The following SAMD11 variants were observed in gnomAD, a reference collection of about 807,000 sequenced individuals.
The protein encoded by SAMD11 is sterile alpha motif domain containing 11, also known as sterile alpha motif domain-containing protein 11.
Under a neutral mutation model 64.4 loss-of-function variants are expected in SAMD11, and 77 were observed. The ratio of observed to expected loss-of-function variants is 1.20; its 90% CI spans 0.99 to 1.44. SAMD11 has a LOEUF of 1.44. Among genes scored for constraint, SAMD11 ranks in the 40% most tolerant of loss-of-function variants. The probability of loss-of-function intolerance (pLI) is 0.00; values close to 1 mark genes in which losing one functional copy is unlikely to be tolerated. For missense variants in SAMD11, 1,402 were observed against 943.3 expected, an observed-to-expected ratio of 1.49 and a Z score of -6.37; for synonymous variants, 658 against 421.9, an observed-to-expected ratio of 1.56 and a Z score of -6.86.
Position 944,185 on chromosome 1 carries a change from A to AT in SAMD11, c.*33dup, listed in dbSNP as rs754753813. The stretch of plus-strand genomic sequence containing the variant: ...CGGGGGTAGGGGTGGGGCCACACAA[A>AT]TCTCCAGGAGCCACCACTCAACACA... On this transcript the variant is annotated 3_prime_UTR_variant, in exon 14 of 14. Transcript: ENST00000616016. 5.9e-6 allele frequency: 9 copies of AT among 1,513,248 alleles called. No homozygotes were observed. The East Asian group carries it at 2.1e-4, about 35-fold the overall frequency. 93.7% of individuals were successfully genotyped at this position (1,513,248 alleles called of 1,614,324 possible).
rs1371538257 is a variant in SAMD11 at position 942,921 on chromosome 1, C to T, written c.1916C>T (p.Thr639Met). 11 of 1,555,460 alleles carry T rather than the reference C, an allele frequency of 7.1e-6. No individual in the cohort carries two copies. The highest frequency in any genetic ancestry group is 9.6e-6 in the Non-Finnish European group (11 of 1,150,582). ...GACTCGGACGGAGAGGACCCCGAGA[C>T]GGCAGCTGTTGGGTGCAGGGGGCCC... ...PKDSDGEDPETAAVGCRGPTP... is the reference protein window; with the variant it reads ...PKDSDGEDPEMAAVGCRGPTP... Residue 639 changes from threonine to methionine, a missense_variant, in exon 11 of 14, where the codon ACG (threonine) becomes ATG (methionine). Transcript: ENST00000616016.
intron 11 of SAMD11, 64 bp downstream of exon 11, chr1:943,122 G>T: frequency 1.3e-6 from 2 of 1,559,536 alleles, no homozygotes; most frequent in Non-Finnish European, 1.7e-6. Flanking sequence ...CCTGTGGAAG[G>T]GTCTTGGGGG....
chr1:939,562 G>C (rs1418424143), intron 7 of SAMD11, 150 bp downstream of exon 7: 17 of 865,354 alleles, frequency 2.0e-5, no homozygotes, highest in South Asian at 1.9e-4. Flanking sequence ...GGCCAGGCTG[G>C]ATGCAGGTCC....
In SAMD11 at chr1:935,867, G is replaced by A. The variant is rs1439932737; in HGVS notation, c.938G>A (p.Gly313Asp). The A allele has an allele frequency of 6.2e-7, 1 of 1,613,038 alleles. No individual in the cohort carries two copies. Among genetic ancestry groups the A allele is most frequent in the Admixed American group, 1.7e-5 (1 of 60,022 alleles). The change falls in exon 5 of 14, where the codon GGC becomes GAC. Residue 313 changes from glycine to aspartate, a missense_variant. Coordinates refer to ENST00000616016, the MANE Select transcript of SAMD11 (RefSeq NM_001385641.1). ...CAGAGCCGCTGTGAATTCCAGAGAG[G>A]CAGCCTGGAGATTGGCCTGCGACCC... ...EHQSRCEFQR[G>D]SLEIGLRPAG...
At chr1:943,506 G>A (rs1569922164) in intron 12 of SAMD11, 129 bp downstream of exon 12, 14 of 994,008 alleles carry the variant, frequency 1.4e-5, no homozygotes, top group South Asian at 3.4e-5. Flanking sequence ...GCGCAGCAGG[G>A]ACTGGACTGT....
intron 2 of SAMD11, among the ~76,000 whole-genome samples, chr1:926,896 G>A (rs1461242914): frequency 1.3e-5 from 2 of 152,160 alleles, no homozygotes; most frequent in Non-Finnish European, 2.9e-5. Flanking sequence ...AGGCAGAGGT[G>A]CAAAATGGGC....
rs749071104 is a variant in SAMD11 at position 943,674 on chromosome 1, ACCCT to A, written c.2179-12_2179-9del. ...AGGATGGAGCAGCACCCGGGTCCTG[ACCCT>A]CCCTCCCTCCCCCTTCCAGGTCTTC... is the stretch of plus-strand genomic sequence containing the variant. On this transcript the variant is annotated intron_variant, in intron 12 of 13. Coordinates refer to ENST00000616016, the MANE Select transcript of SAMD11 (RefSeq NM_001385641.1). 22 of 1,477,688 alleles carry A rather than the reference ACCCT, an allele frequency of 1.5e-5. No individual in the cohort carries two copies. The highest frequency in any genetic ancestry group is 2.6e-5 in the South Asian group (2 of 76,482). 91.5% of individuals were successfully genotyped at this position (1,477,688 alleles called of 1,614,324 possible). A position where few individuals can be genotyped will look rare whatever the true frequency, so the allele number is the denominator to read the frequency against.
At chr1:928,156 G>A (rs1461414855) in intron 2 of SAMD11, among the ~76,000 whole-genome samples, 1 of 152,240 alleles carries the variant, frequency 6.6e-6, no homozygotes, top group Non-Finnish European at 1.5e-5. Context: ...CACTTTGGGA[G>A]GCCGAGGCGG....
rs989378477 is a variant in SAMD11, at chr1:942,619, G to C, written c.1614G>C (p.Leu538=). The part of the protein sequence containing the change: ...QKELESARPQ[L]LAPETALRPN... ...AGCTGGAGAGCGCGCGCCCACAGCTGCTGGCGCCCGAGACCGCCCTGCGCC... is the reference window on the plus strand; with the variant it reads ...AGCTGGAGAGCGCGCGCCCACAGCTCCTGGCGCCCGAGACCGCCCTGCGCC... Residue 538 remains leucine (L), a synonymous_variant, in exon 11 of 14, where the codon CTG becomes CTC. Coordinates refer to ENST00000616016, the MANE Select transcript of SAMD11 (RefSeq NM_001385641.1). 7.6e-5 allele frequency: 110 copies of C among 1,438,398 alleles called. No individual in the cohort carries two copies. Among genetic ancestry groups the C allele is most frequent in the Non-Finnish European group, 9.6e-5 (106 of 1,102,980 alleles). The allele number at this position is 1,438,398 out of a possible 1,614,324, so 89.1% of individuals were successfully genotyped here. A position where few individuals can be genotyped will look rare whatever the true frequency, so the allele number is the denominator to read the frequency against.
intron 9 of SAMD11, 24 bp from the exon 10 acceptor site, chr1:942,386 C>A: frequency 1.4e-6 from 2 of 1,384,288 alleles, no homozygotes; most frequent in Non-Finnish European, 9.6e-7. Flanking sequence ...CCCCCCGACC[C>A]CGCGTTGTCC....
chr1:930,744 C>T (rs1641129362), intron 3 of SAMD11, among the ~76,000 whole-genome samples: 1 of 152,366 alleles, frequency 6.6e-6, no homozygotes, highest in South Asian at 2.1e-4. Flanking sequence ...AGGAGGGCTC[C>T]TCTGAGTGCA....
intron 5 of SAMD11, among the ~76,000 whole-genome samples, chr1:936,367 G>C (rs1170606696): frequency 1.3e-5 from 2 of 148,878 alleles, no homozygotes; most frequent in Non-Finnish European, 3.0e-5. Context: ...CGCCTCCTAG[G>C]GCTCCTGGAC....
rs1008497590 is a variant in SAMD11, at chr1:942,716, C to T, written c.1711C>T (p.Leu571=). Residue 571 remains leucine (L), a synonymous_variant, in exon 11 of 14, where the codon CTG becomes TTG. Transcript: ENST00000616016. ...GCTGAACCACGGCGCGGCGCCACTG[C>T]TGGCCCTGCCCCCCCAGGGGCCCCC... ...LVLNHGAAPL[L]ALPPQGPPGS... The T allele has an allele frequency of 1.4e-6, 2 of 1,456,666 alleles. No individual in the cohort carries two copies. The highest frequency in any genetic ancestry group is 1.8e-6 in the Non-Finnish European group (2 of 1,115,900). The allele number at this position is 1,456,666 out of a possible 1,614,324, so 90.2% of individuals were successfully genotyped here.
Position 944,478 on chromosome 1 carries a change from C to T in SAMD11, c.*325C>T, listed in dbSNP as rs1193545338. 1.4e-6 allele frequency: 1 copy of T among 707,498 alleles called. No homozygotes were observed. The highest frequency in any genetic ancestry group is 2.2e-6 in the Non-Finnish European group (1 of 453,784). The allele number at this position is 707,498 out of a possible 1,614,324, so 43.8% of individuals were successfully genotyped here. A position where few individuals can be genotyped will look rare whatever the true frequency, so the allele number is the denominator to read the frequency against. On this transcript the variant is annotated 3_prime_UTR_variant, in exon 14 of 14. Coordinates refer to ENST00000616016, the MANE Select transcript of SAMD11 (RefSeq NM_001385641.1). ...TCCCCCGCGGAGCTGACTTCAGCAGCCCACAGCTGTGGGGCTTCAGCAGCC... is the reference window on the plus strand; with the variant it reads ...TCCCCCGCGGAGCTGACTTCAGCAGTCCACAGCTGTGGGGCTTCAGCAGCC...
chr1:925,716 A>C, intron 1 of SAMD11: 1 of 518,704 alleles, frequency 1.9e-6, no homozygotes, highest in South Asian at 2.2e-5. Context: ...AGGGCGCTCC[A>C]CCCGGGCTGG....
rs1641861939 is a variant in SAMD11, at chr1:942,703, C to T, written c.1698C>T (p.Gly566=). ...RRGALLVLNH[G]AAPLLALPPQ... ...GGGCCCTGCTGGTGCTGAACCACGGCGCGGCGCCACTGCTGGCCCTGCCCC... is the reference window on the plus strand; with the variant it reads ...GGGCCCTGCTGGTGCTGAACCACGGTGCGGCGCCACTGCTGGCCCTGCCCC... The change falls in exon 11 of 14, where the codon GGC becomes GGT. Residue 566 remains glycine (G), a synonymous_variant. Coordinates refer to ENST00000616016, the MANE Select transcript of SAMD11 (RefSeq NM_001385641.1). The T allele has an allele frequency of 2.1e-6, 3 of 1,441,490 alleles. No homozygotes were observed. Among genetic ancestry groups the T allele is most frequent in the South Asian group, 1.4e-5 (1 of 70,112 alleles). 89.3% of individuals were successfully genotyped at this position (1,441,490 alleles called of 1,614,324 possible). A position where few individuals can be genotyped will look rare whatever the true frequency, so the allele number is the denominator to read the frequency against.
intron 10 of SAMD11, 29 bp downstream of exon 10, chr1:942,517 G>A: frequency 5.5e-6 from 8 of 1,441,526 alleles, no homozygotes; most frequent in South Asian, 1.4e-5. Context: ...GCGGGGCCGC[G>A]CGGCCCGGGA....
intron 3 of SAMD11, 47 bp from the exon 4 acceptor site, chr1:930,992 T>A (rs1641140710): frequency 1.3e-6 from 2 of 1,585,692 alleles, no homozygotes; most frequent in Non-Finnish European, 1.7e-6. Flanking sequence ...GAGGCTGGGG[T>A]CAGGGGCCTC....
intron 2 of SAMD11, among the ~76,000 whole-genome samples, chr1:928,763 C>T (rs1015479044): frequency 5.3e-5 from 8 of 152,346 alleles, no homozygotes; most frequent in Middle Eastern, 3.4e-3. Flanking sequence ...TGAGGGGAGA[C>T]GTGGCTCTGG....
Sources: allele counts gnomAD v4.1 joint callset (sites outside exome capture counted in the v4.1 genomes callset), GRCh38; gene constraint gnomAD v4.1.1; transcripts MANE v1.5; gene names NCBI Gene and HGNC (gene_info 2026-07-23, HGNC 2026-07-21).